Variants in DSCAM observed in about 807,000 individuals in gnomAD.
DSCAM encodes the protein cell adhesion molecule DSCAM.
A neutral mutation model predicts 217.7 loss-of-function variants in DSCAM; 47 were observed. The ratio of observed to expected loss-of-function variants is 0.22; its 90% confidence interval spans 0.17 to 0.28. The LOEUF is 0.28. DSCAM is among the 10% of genes least tolerant of loss of function. The probability of loss-of-function intolerance (pLI) is 1.00; values close to 1 mark genes in which losing one functional copy is unlikely to be tolerated. For missense variants in DSCAM, 2,080 were observed against 2,618.3 expected (o/e 0.79, Z 4.49); for synonymous variants, 1,056 against 1,015.3 (o/e 1.04, Z -0.76).
chr21:40,334,177 A>G (rs1191876362), intron 8 of DSCAM, among the ~76,000 whole-genome samples: 1 of 152,134 alleles, frequency 6.6e-6, no homozygotes, highest in African/African-American at 2.4e-5. Context: ...GGTGTTGAAC[A>G]TCATCTATTC....
rs146359024 is a variant in DSCAM at position 40,611,384 on chromosome 21, G to C, written c.508+81426C>G. Among the ~76,000 whole-genome samples, 36 of 152,152 alleles carry C rather than the reference G, an allele frequency of 2.4e-4. No individual in the cohort carries two copies. The East Asian group carries it at 5.8e-3, about 24-fold the overall frequency. ...GTTTTCAATTTTAATAATACTGTTAGGTAACACAGCGTATCAAAACTATTA... is the reference window on the plus strand; with the variant it reads ...GTTTTCAATTTTAATAATACTGTTACGTAACACAGCGTATCAAAACTATTA... On this transcript the variant is annotated intron_variant, in intron 3 of 32. Coordinates refer to ENST00000400454, the MANE Select transcript of DSCAM (RefSeq NM_001389.5).
chr21:40,665,899 C>A (rs1568972136), intron 3 of DSCAM, among the ~76,000 whole-genome samples: 1 of 152,224 alleles, frequency 6.6e-6, no homozygotes, highest in Non-Finnish European at 1.5e-5. Flanking sequence ...GGCACGCTGC[C>A]ATAGCATTCC....
intron 9 of DSCAM, among the ~76,000 whole-genome samples, chr21:40,306,155 C>CACAT (rs1473655875): frequency 6.6e-6 from 1 of 150,732 alleles, no homozygotes; most frequent in African/African-American, 2.5e-5. Context: ...AGAGGTCCTT[C>CACAT]ACATCCCTTG....
chr21:40,679,301 A>T (rs1220167818), intron 3 of DSCAM, among the ~76,000 whole-genome samples: 1 of 152,240 alleles, frequency 6.6e-6, no homozygotes, highest in Non-Finnish European at 1.5e-5. Flanking sequence ...TGTGTCTGGA[A>T]TGGTAATGTT....
chr21:40,184,004 C>T (rs1478911012), intron 14 of DSCAM, among the ~76,000 whole-genome samples: 2 of 152,116 alleles, frequency 1.3e-5, no homozygotes, highest in African/African-American at 4.8e-5. Context: ...TTCCAGCCCT[C>T]AGGGCTCACT....
intron 32 of DSCAM, among the ~76,000 whole-genome samples, chr21:40,021,446 C>CCACTGGCCCATCCA (rs2088271077): frequency 6.6e-6 from 1 of 152,094 alleles, no homozygotes. Flanking sequence ...CATACAAGGA[C>CCACTGGCCCATCCA]CACTGGCCCA....
intron 1 of DSCAM, among the ~76,000 whole-genome samples, chr21:40,846,204 G>A (rs1319962765): frequency 6.6e-6 from 1 of 152,130 alleles, no homozygotes; most frequent in African/African-American, 2.4e-5. Context: ...TGAATCTGAA[G>A]GGAGATGTTC....
intron 3 of DSCAM, among the ~76,000 whole-genome samples, chr21:40,604,386 A>C (rs1395502173): frequency 6.6e-6 from 1 of 152,142 alleles, no homozygotes; most frequent in African/African-American, 2.4e-5. Context: ...TCATAGTTAA[A>C]TTCCATATCC....
chr21:40,068,928 A>C (rs1194110559), intron 27 of DSCAM, among the ~76,000 whole-genome samples: 2 of 152,016 alleles, frequency 1.3e-5, no homozygotes, highest in Middle Eastern at 3.2e-3. Context: ...TCTACTAAAA[A>C]TACAAAATTA....
At chr21:40,825,529 G>A (rs369143865) in intron 1 of DSCAM, among the ~76,000 whole-genome samples, 1 of 151,986 alleles carries the variant, frequency 6.6e-6, no homozygotes, top group Non-Finnish European at 1.5e-5. Context: ...TGCTGGCCAG[G>A]CTGGTCTTGA....
At chr21:40,426,093 C>T (rs1219715744) in intron 3 of DSCAM, among the ~76,000 whole-genome samples, 3 of 152,242 alleles carry the variant, frequency 2.0e-5, no homozygotes, top group African/African-American at 7.2e-5. Context: ...TGTGGCTGGC[C>T]CCATACTACT....
At chr21:40,569,576 C>T (rs931918212) in intron 3 of DSCAM, among the ~76,000 whole-genome samples, 6 of 152,150 alleles carry the variant, frequency 3.9e-5, no homozygotes, top group Non-Finnish European at 7.3e-5. Context: ...ACACTCTCAG[C>T]CCCGCCCCAT....
chr21:40,682,262 T>A (rs1273922483), intron 3 of DSCAM, among the ~76,000 whole-genome samples: 1 of 152,000 alleles, frequency 6.6e-6, no homozygotes, highest in Non-Finnish European at 1.5e-5. Flanking sequence ...CAGGTGCAAG[T>A]CATGGATGAA....
intron 3 of DSCAM, among the ~76,000 whole-genome samples, chr21:40,440,516 A>AC (rs112082416): frequency 3.5e-3 from 1 of 284 alleles, no homozygotes; most frequent in East Asian, 0.031. Flanking sequence ...TGTGTGTGAC[A>AC]TGAGTCTTGG....
chr21:40,111,162 A>C (rs1280474591), intron 20 of DSCAM, among the ~76,000 whole-genome samples: 2 of 152,230 alleles, frequency 1.3e-5, no homozygotes, highest in Admixed American at 1.3e-4. Context: ...GGGCAGCCAG[A>C]GAGAAAGGTT....
rs142487626 is a variant in DSCAM, at chr21:40,559,403, C to T, written c.508+133407G>A. 2.9e-4 allele frequency among the ~76,000 whole-genome samples: 44 copies of T among 150,236 alleles called. No individual in the cohort carries two copies. In the East Asian group the frequency reaches 6.8e-3, roughly 23 times the overall value. On this transcript the variant is annotated intron_variant, in intron 3 of 32. Transcript: ENST00000400454. The stretch of plus-strand genomic sequence containing the variant: ...AACCCGGGGGGTGGAGCTTGCAGTG[C>T]GCTGAGATCGCACCACTGCACTCTG...
chr21:40,542,237 A>T (rs923407504), intron 3 of DSCAM, among the ~76,000 whole-genome samples: 1 of 152,218 alleles, frequency 6.6e-6, no homozygotes, highest in Non-Finnish European at 1.5e-5. Context: ...CTATCTATAC[A>T]TATCGTTGGG....
chr21:40,629,064 ATG>A (rs200166438), intron 3 of DSCAM, among the ~76,000 whole-genome samples: 2 of 117,502 alleles, frequency 1.7e-5, no homozygotes, highest in Admixed American at 8.5e-5. Context: ...TGTGTGTAGT[ATG>A]TGTGTGTGTG....
chr21:40,153,008 GTTGGGAAATGAATTGAACATTTTC>G lies in DSCAM; in HGVS notation c.3019-8301_3019-8278del, dbSNP rs542948578. Reference sequence around the variant, plus strand: ...TTTCTCAGGCATGCTGAATAATTTAGTTGGGAAATGAATTGAACATTTTCTTTATAGATTCCTCCAAATCCACTT... The same window carrying G: ...TTTCTCAGGCATGCTGAATAATTTAGTTTATAGATTCCTCCAAATCCACTT... On this transcript the variant is annotated intron_variant, in intron 16 of 32. Transcript: ENST00000400454. Among the ~76,000 whole-genome samples, 7 of 152,360 alleles carry G rather than the reference GTTGGGAAATGAATTGAACATTTTC, an allele frequency of 4.6e-5. No individual in the cohort carries two copies. The East Asian group carries it at 1.3e-3, about 29-fold the overall frequency.
Sources: allele counts gnomAD v4.1 joint callset (sites outside exome capture counted in the v4.1 genomes callset), GRCh38; gene constraint gnomAD v4.1.1; transcripts MANE v1.5; gene names NCBI Gene and HGNC (gene_info 2026-07-23, HGNC 2026-07-21).